Variants in GNG4 observed in about 807,000 individuals in gnomAD.
GNG4 encodes the protein G protein subunit gamma 4.
In GNG4, 4 loss-of-function variants were observed where a neutral mutation model predicts 5.8. The ratio of observed to expected loss-of-function variants is 0.69; its 90% CI spans 0.34 to 1.57. GNG4 has a LOEUF of 1.57. Among genes scored for constraint, GNG4 ranks in the 40% most tolerant of loss-of-function variants. The pLI is 0.06. For missense variants in GNG4, 96 were observed against 95.1 expected (o/e 1.01, Z -0.04); for synonymous variants, 29 against 32.9 (o/e 0.88, Z 0.41).
chr1:235,579,846 A>ATC (rs1394416464), intron 3 of GNG4, among the ~76,000 whole-genome samples: 1 of 150,452 alleles, frequency 6.6e-6, no homozygotes, highest in Admixed American at 6.7e-5. Flanking sequence ...GTGAGACTCC[A>ATC]TCTCTCAAAA....
chr1:235,644,169 T>C lies in GNG4; in HGVS notation c.-123+5493A>G, dbSNP rs868320852. Among the ~76,000 whole-genome samples, 3 of 151,808 alleles carry C rather than the reference T, an allele frequency of 2.0e-5. No individual in the cohort carries two copies. The highest frequency in any genetic ancestry group is 3.4e-3 in the Middle Eastern group (1 of 292). On this transcript the variant is annotated intron_variant, in intron 1 of 3. Coordinates refer to ENST00000391854, the MANE Select transcript of GNG4 (RefSeq NM_001098722.2). The surrounding 1 kb of genome is among the most constrained non-coding windows in gnomAD (Gnocchi z 5.9). ...TGGCGGGAACGCGGGCACCCAGAGG[T>C]CCAGATCAGCAAAAGAGGCCAGTGA...
At chr1:235,599,922 T>C (rs1177474603) in intron 1 of GNG4, among the ~76,000 whole-genome samples, 1 of 152,122 alleles carries the variant, frequency 6.6e-6, no homozygotes, top group Non-Finnish European at 1.5e-5. Flanking sequence ...GGCATTTGCA[T>C]AGCATCTTCC....
chr1:235,632,416 G>A (rs1478992386), intron 1 of GNG4, among the ~76,000 whole-genome samples: 1 of 152,156 alleles, frequency 6.6e-6, no homozygotes, highest in African/African-American at 2.4e-5. Flanking sequence ...TGCAAAGACT[G>A]AATACCTAGG....
chr1:235,562,167 C>T (rs969617816), intron 3 of GNG4, among the ~76,000 whole-genome samples: 6 of 152,166 alleles, frequency 3.9e-5, no homozygotes, highest in Non-Finnish European at 5.9e-5. Context: ...CTGACCTACA[C>T]GTCTACTCTT....
rs1288524020 is a variant in GNG4 at position 235,552,221 on chromosome 1, G to A, written c.116C>T (p.Ala39Val). The A allele has an allele frequency of 4.3e-6, 7 of 1,613,938 alleles. No individual in the cohort carries two copies. Among genetic ancestry groups the A allele is most frequent in the South Asian group, 3.3e-5 (3 of 91,082 alleles). Residue 39 changes from alanine to valine, a missense_variant, in exon 4 of 4, where the codon GCG becomes GTG. Transcript: ENST00000391854. ...MDRVKVSQAA[A>V]DLLAYCEAHV... is the part of the protein sequence containing the mutation. Reference sequence around the variant, plus strand: ...AGCTTCACAGTAGGCCAGGAGGTCCGCAGCTGCCTGGGAGACCTGTGAGGG... The same window carrying A: ...AGCTTCACAGTAGGCCAGGAGGTCCACAGCTGCCTGGGAGACCTGTGAGGG...
intron 2 of GNG4, among the ~76,000 whole-genome samples, chr1:235,589,518 C>T (rs1044249100): frequency 1.3e-5 from 2 of 152,178 alleles, no homozygotes; most frequent in African/African-American, 2.4e-5. Context: ...TATGGCCCCA[C>T]GAGTGTTCCT....
chr1:235,649,330 G>A lies in GNG4; in HGVS notation c.-123+332C>T, dbSNP rs961198444. On this transcript the variant is annotated intron_variant, in intron 1 of 3. Coordinates refer to ENST00000391854, the MANE Select transcript of GNG4 (RefSeq NM_001098722.2). The surrounding 1 kb of genome is among the most constrained non-coding windows in gnomAD (Gnocchi z 5.7). ...GCAAACGCTCTGTGACCTACAAATG[G>A]AAGAGGGGACCCCCGAGCCCCCGCC... Among the ~76,000 whole-genome samples, 2 of 152,212 alleles carry A rather than the reference G, an allele frequency of 1.3e-5. No individual in the cohort carries two copies. Among genetic ancestry groups the A allele is most frequent in the Non-Finnish European group, 2.9e-5 (2 of 68,024 alleles).
intron 1 of GNG4, among the ~76,000 whole-genome samples, chr1:235,634,054 A>G (rs1038353161): frequency 6.6e-6 from 1 of 152,242 alleles, no homozygotes; most frequent in African/African-American, 2.4e-5. Flanking sequence ...GGGGTCCTAC[A>G]GGATGGCACA....
chr1:235,622,731 A>G (rs1346428093), intron 1 of GNG4, among the ~76,000 whole-genome samples: 1 of 151,918 alleles, frequency 6.6e-6, no homozygotes, highest in African/African-American at 2.4e-5. Context: ...AAATACAAAA[A>G]TTAGTCAGGT....
chr1:235,579,964 C>T (rs1278124149), intron 3 of GNG4, among the ~76,000 whole-genome samples: 1 of 152,038 alleles, frequency 6.6e-6, no homozygotes, highest in Non-Finnish European at 1.5e-5. Flanking sequence ...CCTGCACACC[C>T]ATGTTCCTAA....
intron 2 of GNG4, among the ~76,000 whole-genome samples, chr1:235,590,403 C>A (rs1687930138): frequency 6.6e-6 from 1 of 151,744 alleles, no homozygotes; most frequent in African/African-American, 2.4e-5. Flanking sequence ...TGCAGTGAGC[C>A]GAGATTGCGC....
At chr1:235,607,409 A>G (rs1031916740) in intron 1 of GNG4, among the ~76,000 whole-genome samples, 4 of 152,242 alleles carry the variant, frequency 2.6e-5, no homozygotes, top group Non-Finnish European at 5.9e-5. Context: ...CCAACATCAG[A>G]TTACACAGCA....
In GNG4 at chr1:235,563,149, G is replaced by A. The variant is rs953729107; in HGVS notation, c.100-10912C>T. On this transcript the variant is annotated intron_variant, in intron 3 of 3. Transcript: ENST00000391854. ...AGTAATTAAGAAGTATAGGCCAGGCGTGATGGCTCATGCCTGTAATCCCAG... is the reference window on the plus strand; with the variant it reads ...AGTAATTAAGAAGTATAGGCCAGGCATGATGGCTCATGCCTGTAATCCCAG... Among the ~76,000 whole-genome samples the A allele has an allele frequency of 5.9e-5, 9 of 152,070 alleles. No homozygotes were observed. The South Asian group carries it at 6.3e-4, about 11-fold the overall frequency.
intron 3 of GNG4, among the ~76,000 whole-genome samples, chr1:235,567,928 T>G (rs1214209419): frequency 6.6e-6 from 1 of 152,022 alleles, no homozygotes; most frequent in Non-Finnish European, 1.5e-5. Flanking sequence ...GGTCCCAGGT[T>G]GGGGAGAACA....
At chr1:235,572,842 T>C (rs145166642) in intron 3 of GNG4, among the ~76,000 whole-genome samples, 220 of 152,158 alleles carry the variant, frequency 1.4e-3, no homozygotes, top group African/African-American at 4.9e-3. Context: ...CACCGTCATA[T>C]ATGCAGTCTG....
intron 3 of GNG4, among the ~76,000 whole-genome samples, chr1:235,556,443 A>G (rs1686909146): frequency 6.6e-6 from 1 of 151,388 alleles, no homozygotes; most frequent in Non-Finnish European, 1.5e-5. Flanking sequence ...CTGTAATCCC[A>G]GCTACTCGGG....
chr1:235,635,878 G>A (rs1458642141), intron 1 of GNG4, among the ~76,000 whole-genome samples: 1 of 152,196 alleles, frequency 6.6e-6, no homozygotes, highest in East Asian at 1.9e-4. Flanking sequence ...GCTCTACACA[G>A]GTTTCCTGGG....
intron 1 of GNG4, among the ~76,000 whole-genome samples, chr1:235,602,538 T>G (rs1489715472): frequency 6.6e-6 from 1 of 152,214 alleles, no homozygotes; most frequent in Non-Finnish European, 1.5e-5. Context: ...TCACAGCAGC[T>G]TTGCATCTCA....
intron 1 of GNG4, chr1:235,616,268 G>C (rs1488975495): frequency 8.3e-6 from 4 of 484,342 alleles, no homozygotes; most frequent in Non-Finnish European, 1.2e-5. Context: ...TGAGACGAAT[G>C]AGGTCTGCCA....
Sources: allele counts gnomAD v4.1 joint callset (sites outside exome capture counted in the v4.1 genomes callset), GRCh38; gene constraint gnomAD v4.1.1; non-coding constraint Gnocchi (gnomAD v3.1); transcripts MANE v1.5; gene names NCBI Gene and HGNC (gene_info 2026-07-23, HGNC 2026-07-21).